Variants in SLU7 observed in about 807,000 individuals in gnomAD.
SLU7 encodes the protein pre-mRNA-splicing factor SLU7.
A neutral mutation model predicts 87.0 loss-of-function variants in SLU7; 60 were observed. That is an observed-to-expected ratio of 0.69 (90% CI 0.56 to 0.86). The LOEUF (loss-of-function observed/expected upper bound fraction) is 0.86. Among genes scored for constraint, SLU7 ranks in the 40% least tolerant of loss-of-function variants. SLU7 has a pLI of 0.00. For missense variants in SLU7, 507 were observed against 686.6 expected (o/e 0.74, Z 2.92); for synonymous variants, 197 against 222.0 (o/e 0.89, Z 1.00).
chr5:160,415,394 T>C, intron 1 of SLU7, 84 bp from the exon 2 acceptor site: 2 of 988,498 alleles, frequency 2.0e-6, no homozygotes, highest in Non-Finnish European at 2.9e-6. Flanking sequence ...TAATAATATA[T>C]ACTGTTTCAT....
intron 11 of SLU7, 103 bp from the exon 12 acceptor site, chr5:160,406,732 T>C: frequency 9.9e-7 from 1 of 1,007,458 alleles, no homozygotes; most frequent in Non-Finnish European, 1.4e-6. Flanking sequence ...GAACATTCTT[T>C]ACTGGGTTTT....
At chr5:160,408,198 G>T in intron 8 of SLU7, 130 bp from the exon 9 acceptor site, 2 of 1,226,220 alleles carry the variant, frequency 1.6e-6, no homozygotes, top group Non-Finnish European at 2.3e-6. Context: ...CAGGTGAAGA[G>T]AAAAAACAGA....
chr5:160,416,227 A>G (rs1046321774), intron 1 of SLU7, among the ~76,000 whole-genome samples: 2 of 151,858 alleles, frequency 1.3e-5, no homozygotes, highest in African/African-American at 4.8e-5. Context: ...CTTGTCATCA[A>G]ATTTTGCCCA....
Position 160,418,401 on chromosome 5 carries a change from T to C in SLU7, c.-17+622A>G, listed in dbSNP as rs181553871. ...CCAAAGTCAGTTCTCTAAACCAGTA[T>C]GTTATACTTGTCCACAGAACATTGG... On this transcript the variant is annotated intron_variant, in intron 1 of 15. Transcript: ENST00000297151. Among the ~76,000 whole-genome samples, 302 of 152,330 alleles carry C rather than the reference T, an allele frequency of 2.0e-3. 2 individuals are homozygous for C. Among genetic ancestry groups the C allele is most frequent in the Middle Eastern group, 0.01 (3 of 294 alleles).
At position 160,406,475 on chromosome 5, in the gene SLU7, T is replaced by C. The variant is rs201427710; in HGVS notation, c.1280A>G (p.Asn427Ser). ...TTCCAGTTTAGCACATACTGTGTGA[T>C]TGTGGATCTTCACATCCTCCTCATA... is the stretch of plus-strand genomic sequence containing the variant. ...SKYEEDVKIH[N>S]HTHIWGSYWK... is the part of the protein sequence containing the mutation. Residue 427 changes from asparagine to serine, a missense_variant, in exon 12 of 16, where the codon AAT becomes AGT. By Grantham distance (46) the Asn-to-Ser change is conservative (BLOSUM62 1). Around this residue, in one of 6 missense-constraint regions of SLU7, gnomAD observed 201 missense variants for 213.4 expected, o/e 0.94. Transcript: ENST00000297151. 1.4e-5 allele frequency: 22 copies of C among 1,608,710 alleles called. No homozygotes were observed. In the East Asian group the frequency reaches 2.9e-4, roughly 21 times the overall value.
intron 11 of SLU7, among the ~76,000 whole-genome samples, chr5:160,406,834 G>A (rs183127263): frequency 6.6e-6 from 1 of 152,174 alleles, no homozygotes; most frequent in South Asian, 2.1e-4. Flanking sequence ...GTTGAGTACA[G>A]TAAGTTACAA....
chr5:160,414,212 G>C, intron 3 of SLU7, 107 bp downstream of exon 3: 1 of 899,482 alleles, frequency 1.1e-6, no homozygotes, highest in Middle Eastern at 2.3e-4. Flanking sequence ...ACCAGATAAA[G>C]GGTTTTATTA....
intron 12 of SLU7, among the ~76,000 whole-genome samples, chr5:160,405,584 A>AGG (rs371039561): frequency 0.33 from 50,268 of 151,738 alleles, 8,545 homozygotes; most frequent in South Asian, 0.4. Flanking sequence ...AAGAGAGACA[A>AGG]TTGTAGTTTG....
At chr5:160,408,790 TATAA>T (rs1010262854) in intron 6 of SLU7, 93 bp from the exon 7 acceptor site, 2 of 224,752 alleles carry the variant, frequency 8.9e-6, no homozygotes, top group African/African-American at 2.4e-5. Context: ...ATTATCTTAT[TATAA>T]ATAATATATT....
intron 14 of SLU7, 50 bp downstream of exon 14, chr5:160,404,759 A>G: frequency 7.7e-7 from 1 of 1,294,776 alleles, no homozygotes; most frequent in Non-Finnish European, 1.1e-6. Context: ...CAGGTTTTAA[A>G]GCCCTCCCTC....
chr5:160,410,160 A>G (rs968522806), intron 6 of SLU7, among the ~76,000 whole-genome samples: 4 of 152,230 alleles, frequency 2.6e-5, no homozygotes, highest in Admixed American at 2.6e-4. Context: ...ATGAACAGGT[A>G]TATGTGGACA....
chr5:160,410,746 CACA>C (rs1174085360), intron 6 of SLU7, among the ~76,000 whole-genome samples: 6 of 152,176 alleles, frequency 3.9e-5, no homozygotes, highest in East Asian at 1.9e-4. Context: ...TAAAAATAAT[CACA>C]ACAATAATAG....
chr5:160,403,022 AAAAT>A lies in SLU7; in HGVS notation c.*259_*262del, dbSNP rs894304682. ...AGAGCAAGACTCCGTCTCAAAAAAA[AAAAT>A]AAATAAATAAAAAAAACTGGAAATA... On this transcript the variant is annotated 3_prime_UTR_variant, in exon 16 of 16. Transcript: ENST00000297151. 6.0e-5 allele frequency: 14 copies of A among 233,130 alleles called. No individual in the cohort carries two copies. The highest frequency in any genetic ancestry group is 3.2e-4 in the African/African-American group (14 of 44,308). 14.4% of individuals were successfully genotyped at this position (233,130 alleles called of 1,614,324 possible).
intron 1 of SLU7, among the ~76,000 whole-genome samples, chr5:160,416,553 C>T (rs1765464977): frequency 6.6e-6 from 1 of 152,172 alleles, no homozygotes; most frequent in Admixed American, 6.5e-5. Context: ...TAATCTCCTA[C>T]TCTTCCCTAT....
At chr5:160,412,778 A>C (rs1321032076) in intron 5 of SLU7, among the ~76,000 whole-genome samples, 1 of 152,126 alleles carries the variant, frequency 6.6e-6, no homozygotes, top group Non-Finnish European at 1.5e-5. Context: ...ATCAGTAGTA[A>C]ATTGCAGGGA....
chr5:160,415,360 A>T, intron 1 of SLU7, 50 bp from the exon 2 acceptor site: 5 of 1,341,012 alleles, frequency 3.7e-6, no homozygotes, highest in Non-Finnish European at 5.0e-6. Flanking sequence ...TCATGAATTC[A>T]CTCAAACTAC....
rs1742597794 is a variant in SLU7 at position 160,407,042 on chromosome 5, C to G, written c.1126-413G>C. ...TACCACAGCACACTTTTTGCTGCCA[C>G]TCTCTAGAACTCTGAGAATGCCATT... On this transcript the variant is annotated intron_variant, in intron 11 of 15. Coordinates refer to ENST00000297151, the MANE Select transcript of SLU7 (RefSeq NM_006425.5). This position sits in a 1 kb window ranked among gnomAD's most constrained non-coding sequence, Gnocchi z 4.2. Among the ~76,000 whole-genome samples, 1 of 152,240 alleles carries G rather than the reference C, an allele frequency of 6.6e-6. No individual in the cohort carries two copies. The highest frequency in any genetic ancestry group is 1.5e-5 in the Non-Finnish European group (1 of 68,048).
At chr5:160,412,842 T>C (rs1442598223) in intron 5 of SLU7, among the ~76,000 whole-genome samples, 1 of 152,042 alleles carries the variant, frequency 6.6e-6, no homozygotes, top group Non-Finnish European at 1.5e-5. Context: ...GACTGACTCT[T>C]ACCAGGCAGG....
chr5:160,416,475 A>C (rs915556452), intron 1 of SLU7, among the ~76,000 whole-genome samples: 1 of 152,122 alleles, frequency 6.6e-6, no homozygotes, highest in Non-Finnish European at 1.5e-5. Context: ...TGACATCTCC[A>C]CTTAGAGGCC....
Sources: gnomAD v4.1 joint callset for allele counts (sites outside exome capture counted in the v4.1 genomes callset) on GRCh38, gnomAD v4.1.1 for gene constraint, gnomAD v4.1.1 regional missense constraint, Gnocchi (gnomAD v3.1) non-coding constraint, MANE v1.5 for transcripts, NCBI Gene and HGNC (gene_info 2026-07-23, HGNC 2026-07-21) for gene names.